Variants in LDLRAD3 observed in about 807,000 individuals in gnomAD.
LDLRAD3 encodes low-density lipoprotein receptor class A domain-containing protein 3.
Under a neutral mutation model 29.4 loss-of-function variants are expected in LDLRAD3, and 20 were observed. The ratio of observed to expected loss-of-function variants is 0.68; its 90% CI spans 0.48 to 0.99. The LOEUF (loss-of-function observed/expected upper bound fraction) is 0.99. Ranked by LOEUF, LDLRAD3 falls within the 50% of genes least tolerant of loss-of-function variation. The pLI is 0.00. For synonymous variants in LDLRAD3, 157 were observed against 192.7 expected (o/e 0.81, Z 1.53); for missense variants, 420 against 454.3 (o/e 0.92, Z 0.69).
At chr11:36,162,288 G>C (rs1476463990) in intron 4 of LDLRAD3, among the ~76,000 whole-genome samples, 2 of 152,174 alleles carry the variant, frequency 1.3e-5, no homozygotes, top group Admixed American at 6.5e-5. Context: ...TGGGATATCA[G>C]TCACTTCTCC....
intron 2 of LDLRAD3, among the ~76,000 whole-genome samples, chr11:36,041,428 A>G (rs1338711087): frequency 6.6e-6 from 1 of 152,218 alleles, no homozygotes; most frequent in Non-Finnish European, 1.5e-5. Flanking sequence ...CTTTTTCTCT[A>G]GGTATCTGTT....
At position 36,146,285 on chromosome 11, in the gene LDLRAD3, G is replaced by A. The variant is rs1015995090; in HGVS notation, c.454+47824G>A. 4.6e-5 allele frequency among the ~76,000 whole-genome samples: 7 copies of A among 152,348 alleles called. No homozygotes were observed. The South Asian group carries it at 1.4e-3, about 32-fold the overall frequency. ...CCGATGAAAGTAAGAACTGCTACATGGCAGCAAGGCTTTGCTTTTAGATAA... is the reference window on the plus strand; with the variant it reads ...CCGATGAAAGTAAGAACTGCTACATAGCAGCAAGGCTTTGCTTTTAGATAA... On this transcript the variant is annotated intron_variant, in intron 4 of 5. Transcript: ENST00000315571.
intron 1 of LDLRAD3, chr11:35,967,908 C>T (rs1036924399): frequency 7.7e-6 from 3 of 391,552 alleles, no homozygotes; most frequent in African/African-American, 4.2e-5. Flanking sequence ...GATGTCCAAA[C>T]ACTGTATGAG....
At chr11:36,047,132 C>G (rs1419193950) in intron 2 of LDLRAD3, among the ~76,000 whole-genome samples, 2 of 152,140 alleles carry the variant, frequency 1.3e-5, no homozygotes, top group Non-Finnish European at 1.5e-5. Flanking sequence ...TGGGAGGGCT[C>G]CAACTGGGGG....
intron 1 of LDLRAD3, among the ~76,000 whole-genome samples, chr11:36,028,005 G>T (rs925357113): frequency 7.9e-5 from 12 of 152,134 alleles, no homozygotes; most frequent in Admixed American, 4.6e-4. Context: ...AGGTCTGACC[G>T]GCAGCCAGCC....
chr11:36,003,007 T>C (rs1262996751), intron 1 of LDLRAD3, among the ~76,000 whole-genome samples: 1 of 152,250 alleles, frequency 6.6e-6, no homozygotes, highest in Admixed American at 6.5e-5. Context: ...GGGAAAACCG[T>C]ACACATTTCC....
intron 4 of LDLRAD3, among the ~76,000 whole-genome samples, chr11:36,187,120 C>T (rs1177344877): frequency 6.6e-6 from 1 of 152,100 alleles, no homozygotes; most frequent in East Asian, 1.9e-4. Context: ...TCCTTGGCTT[C>T]CTATTACCTT....
intron 4 of LDLRAD3, among the ~76,000 whole-genome samples, chr11:36,144,483 G>A (rs558319593): frequency 3.3e-5 from 5 of 151,080 alleles, no homozygotes; most frequent in Non-Finnish European, 7.4e-5. Context: ...TAGGAAGTGA[G>A]GAGCGTCTCT....
chr11:35,996,248 G>T (rs552916303), intron 1 of LDLRAD3, among the ~76,000 whole-genome samples: 38 of 152,246 alleles, frequency 2.5e-4, no homozygotes, highest in African/African-American at 8.9e-4. Flanking sequence ...TTATTAACTG[G>T]CCTAATTCCA....
intron 4 of LDLRAD3, among the ~76,000 whole-genome samples, chr11:36,114,156 G>A (rs1302112012): frequency 6.6e-6 from 1 of 152,150 alleles, no homozygotes; most frequent in Non-Finnish European, 1.5e-5. Flanking sequence ...TAGGTTTTTT[G>A]CACTGATCAA....
At chr11:36,224,237 C>A (rs567689539) in intron 4 of LDLRAD3, among the ~76,000 whole-genome samples, 43 of 152,058 alleles carry the variant, frequency 2.8e-4, no homozygotes, top group African/African-American at 1.0e-3. Flanking sequence ...CAGGGAGACA[C>A]GGATACTGTT....
intron 4 of LDLRAD3, among the ~76,000 whole-genome samples, chr11:36,218,471 A>G (rs1002940633): frequency 1.3e-5 from 2 of 152,326 alleles, no homozygotes; most frequent in Admixed American, 1.3e-4. Flanking sequence ...AAAAGACTAG[A>G]GTCCGAAGAG....
intron 4 of LDLRAD3, among the ~76,000 whole-genome samples, chr11:36,184,608 A>AGGT: frequency 6.6e-6 from 1 of 152,330 alleles, no homozygotes; most frequent in East Asian, 1.9e-4. Flanking sequence ...TAGGAGTACT[A>AGGT]CCAGTTCAGG....
At chr11:36,120,479 C>A (rs1298525357) in intron 4 of LDLRAD3, among the ~76,000 whole-genome samples, 1 of 152,042 alleles carries the variant, frequency 6.6e-6, no homozygotes, top group East Asian at 1.9e-4. Flanking sequence ...TTTATTTAAA[C>A]CTTGTGAGAT....
chr11:36,208,434 C>T (rs948154467), intron 4 of LDLRAD3, among the ~76,000 whole-genome samples: 2 of 152,204 alleles, frequency 1.3e-5, no homozygotes, highest in Non-Finnish European at 2.9e-5. Flanking sequence ...CATCCTCTAG[C>T]GATGACAATC....
At chr11:36,144,869 C>G (rs1220600357) in intron 4 of LDLRAD3, among the ~76,000 whole-genome samples, 1 of 95,032 alleles carries the variant, frequency 1.1e-5, no homozygotes, top group African/African-American at 3.5e-5. Flanking sequence ...GTCAGCCCCC[C>G]GCCCGGCCAG....
intron 4 of LDLRAD3, among the ~76,000 whole-genome samples, chr11:36,118,524 A>AGC (rs948314166): frequency 6.6e-6 from 1 of 151,066 alleles, no homozygotes; most frequent in Admixed American, 6.6e-5. Flanking sequence ...AGAGAGAGAG[A>AGC]GAGAAGGAGG....
intron 1 of LDLRAD3, among the ~76,000 whole-genome samples, chr11:36,001,758 CGTGTGT>C (rs3220787): frequency 0.061 from 9,061 of 148,352 alleles, 315 homozygotes; most frequent in African/African-American, 0.1. Flanking sequence ...ATATTGTATA[CGTGTGT>C]GTGTGTGTGT....
At chr11:36,091,061 C>G (rs796575421) in intron 3 of LDLRAD3, among the ~76,000 whole-genome samples, 7 of 152,318 alleles carry the variant, frequency 4.6e-5, no homozygotes, top group African/African-American at 1.7e-4. Flanking sequence ...GCCAGGCGCC[C>G]TCTATCCTCT....
Sources: gnomAD v4.1 joint callset for allele counts (sites outside exome capture counted in the v4.1 genomes callset) on GRCh38, gnomAD v4.1.1 for gene constraint, MANE v1.5 for transcripts, NCBI Gene and HGNC (gene_info 2026-07-23, HGNC 2026-07-21) for gene names.